The following CHD2 variants were observed in gnomAD, a reference collection of about 807,000 sequenced individuals.
CHD2 encodes chromodomain helicase DNA binding protein 2, also known as ATP-dependent chromatin remodeler CHD2.
A neutral mutation model predicts 243.9 loss-of-function variants in CHD2; 28 were observed. That is an observed-to-expected ratio of 0.11 (90% CI 0.09 to 0.16). The LOEUF (loss-of-function observed/expected upper bound fraction) is 0.16, where lower values mean the gene tolerates loss of function less well. Among genes scored for constraint, CHD2 ranks in the 10% least tolerant of loss-of-function variants. CHD2 has a pLI of 1.00. For synonymous variants in CHD2, 775 were observed against 779.0 expected (o/e 0.99, Z 0.09); for missense variants, 1,386 against 2,209.8 (o/e 0.63, Z 7.47).
rs1275001828 is a variant in CHD2 at position 92,945,815 on chromosome 15, G to A, written c.1154-6G>A. On this transcript the variant is annotated splice_region_variant and splice_polypyrimidine_tract_variant and intron_variant, in intron 10 of 38. Coordinates refer to ENST00000394196, the MANE Select transcript of CHD2 (RefSeq NM_001271.4). ...AACTTTTCTGTCTTATTTTTTATTT[G>A]TTTAGCTGTGAAGACAAGTAAATCT... The A allele has an allele frequency of 1.7e-5, 26 of 1,520,686 alleles. No homozygotes were observed. Among genetic ancestry groups the A allele is most frequent in the Non-Finnish European group, 2.2e-5 (25 of 1,127,374 alleles). The allele number at this position is 1,520,686 out of a possible 1,614,324, so 94.2% of individuals were successfully genotyped here.
chr15:92,906,253 T>TTCTCTCTCTC (rs369399377), intron 2 of CHD2, among the ~76,000 whole-genome samples: 2 of 150,978 alleles, frequency 1.3e-5, no homozygotes, highest in African/African-American at 4.8e-5. Flanking sequence ...TTCTCTCTCT[T>TTCTCTCTCTC]TCTCTCTCTC....
chr15:92,927,077 A>C (rs1263980611), intron 3 of CHD2, among the ~76,000 whole-genome samples, 167 bp from the exon 4 acceptor site: 1 of 152,208 alleles, frequency 6.6e-6, no homozygotes, highest in Non-Finnish European at 1.5e-5. Flanking sequence ...TCCTAGGATA[A>C]TATGCCTATT....
chr15:93,014,123 A>G (rs2054428879), intron 36 of CHD2, among the ~76,000 whole-genome samples: 1 of 152,178 alleles, frequency 6.6e-6, no homozygotes, highest in African/African-American at 2.4e-5. Flanking sequence ...ATAACTACAA[A>G]AAAAAGCTTA....
intron 20 of CHD2, among the ~76,000 whole-genome samples, chr15:92,976,213 A>G (rs939375440): frequency 6.6e-6 from 1 of 152,190 alleles, no homozygotes; most frequent in Non-Finnish European, 1.5e-5. Context: ...TGCTTTTTGC[A>G]TAGCTCTCAG....
intron 38 of CHD2, 66 bp from the exon 39 acceptor site, chr15:93,024,306 T>C: frequency 7.1e-7 from 1 of 1,399,898 alleles, no homozygotes; most frequent in Non-Finnish European, 9.9e-7. Flanking sequence ...GCCAAGTGGG[T>C]AGTGAAGAGA....
intron 17 of CHD2, among the ~76,000 whole-genome samples, chr15:92,969,527 G>A (rs1218632707): frequency 6.6e-6 from 1 of 152,190 alleles, no homozygotes; most frequent in Non-Finnish European, 1.5e-5. Context: ...CTTTCTGATG[G>A]TTTATGGACT....
At chr15:92,980,187 G>A (rs1290785078) in intron 22 of CHD2, among the ~76,000 whole-genome samples, 2 of 150,202 alleles carry the variant, frequency 1.3e-5, no homozygotes, top group Non-Finnish European at 3.0e-5. Context: ...TGGGACTACA[G>A]GTGTGCACCA....
In CHD2 at chr15:92,993,198, G is replaced by A. The variant is rs569211025; in HGVS notation, c.3595+200G>A. On this transcript the variant is annotated intron_variant, in intron 28 of 38. Coordinates refer to ENST00000394196, the MANE Select transcript of CHD2 (RefSeq NM_001271.4). Reference sequence around the variant, plus strand: ...TCACAAATGAAGTTGATTTGCAGAAGGTGTAGAGTGAAGAAAAAGATGAAA... The same window carrying A: ...TCACAAATGAAGTTGATTTGCAGAAAGTGTAGAGTGAAGAAAAAGATGAAA... The A allele has an allele frequency of 9.0e-5, 46 of 510,450 alleles. 1 individual carries two copies. Among genetic ancestry groups the A allele is most frequent in the African/African-American group, 8.4e-4 (44 of 52,106 alleles). 31.6% of individuals were successfully genotyped at this position (510,450 alleles called of 1,614,324 possible).
chr15:93,001,949 G>A (rs1049306923), intron 32 of CHD2, among the ~76,000 whole-genome samples: 1 of 152,184 alleles, frequency 6.6e-6, no homozygotes, highest in African/African-American at 2.4e-5. Flanking sequence ...GGGTTGCTAT[G>A]AGAATTAAAT....
chr15:93,008,189 T>G (rs577125328), intron 34 of CHD2, among the ~76,000 whole-genome samples: 20 of 152,330 alleles, frequency 1.3e-4, no homozygotes, highest in Admixed American at 7.2e-4. Context: ...CCATCCACTC[T>G]GGAATGTGAG....
chr15:93,001,150 G>A (rs1199458232), intron 32 of CHD2, among the ~76,000 whole-genome samples: 3 of 152,092 alleles, frequency 2.0e-5, no homozygotes, highest in South Asian at 2.1e-4. Context: ...GATTACAGGC[G>A]TGAGTCACCG....
chr15:93,015,657 T>C (rs1264965559), intron 37 of CHD2, among the ~76,000 whole-genome samples: 2 of 152,190 alleles, frequency 1.3e-5, no homozygotes, highest in Non-Finnish European at 2.9e-5. Flanking sequence ...CAGCTCCTTA[T>C]GTAGCAGGAA....
intron 24 of CHD2, among the ~76,000 whole-genome samples, chr15:92,982,241 T>C (rs1323733736): frequency 6.6e-6 from 1 of 152,192 alleles, no homozygotes; most frequent in Non-Finnish European, 1.5e-5. Context: ...AAGTACACTT[T>C]AGGGAAGAGG....
intron 20 of CHD2, 47 bp downstream of exon 20, chr15:92,974,997 C>A: frequency 6.8e-7 from 1 of 1,479,516 alleles, no homozygotes; most frequent in Non-Finnish European, 9.4e-7. Context: ...GGCTCTGCAT[C>A]AAGGGGAAAG....
chr15:92,981,063 T>A (rs567959522), intron 23 of CHD2, 152 bp downstream of exon 23: 2 of 657,736 alleles, frequency 3.0e-6, no homozygotes, highest in Admixed American at 6.0e-5. Flanking sequence ...ATCTCATAGC[T>A]CTTACCAAAT....
chr15:92,971,316 C>T (rs2141835134), intron 17 of CHD2, among the ~76,000 whole-genome samples: 1 of 152,308 alleles, frequency 6.6e-6, no homozygotes, highest in East Asian at 1.9e-4. Context: ...GTCATACTGG[C>T]ACTCAGAAAG....
intron 37 of CHD2, among the ~76,000 whole-genome samples, chr15:93,019,138 A>G (rs145869494): frequency 1.3e-5 from 2 of 152,338 alleles, no homozygotes; most frequent in Admixed American, 6.5e-5. Flanking sequence ...TTACTTTTTT[A>G]TAGGAGGAGG....
chr15:92,979,462 C>CA (rs2053949548), intron 22 of CHD2, among the ~76,000 whole-genome samples, 179 bp downstream of exon 22: 1 of 152,014 alleles, frequency 6.6e-6, no homozygotes, highest in Admixed American at 6.6e-5. Context: ...TTTTGCCCAT[C>CA]ACCCCCCTTC....
intron 28 of CHD2, among the ~76,000 whole-genome samples, chr15:92,996,160 C>CT (rs10712520): frequency 0.075 from 8,488 of 112,976 alleles, 453 homozygotes; most frequent in South Asian, 0.12. Flanking sequence ...GGGTAAGTTT[C>CT]TTTTTTTTTT....
Sources: gnomAD v4.1 joint callset for allele counts (sites outside exome capture counted in the v4.1 genomes callset) on GRCh38, gnomAD v4.1.1 for gene constraint, MANE v1.5 for transcripts, NCBI Gene and HGNC (gene_info 2026-07-23, HGNC 2026-07-21) for gene names.